Variants in CCDC89 observed in about 807,000 individuals in gnomAD.
CCDC89 encodes coiled-coil domain-containing protein 89.
CCDC89 carries 28 observed loss-of-function variants against 29.3 expected under a neutral mutation model. The observed-to-expected ratio is 0.96, with a 90% confidence interval of 0.71 to 1.31. The LOEUF (loss-of-function observed/expected upper bound fraction) is 1.31. CCDC89 is among the 50% of genes most tolerant of loss of function. The pLI is 0.00. For missense variants in CCDC89, 484 were observed against 442.3 expected (o/e 1.09, Z -0.85); for synonymous variants, 191 against 179.7 (o/e 1.06, Z -0.51).
chr11:85,684,029 A>G lies in CCDC89; in HGVS notation c.*977T>C, dbSNP rs940195924. On this transcript the variant is annotated 3_prime_UTR_variant, in exon 1 of 1. Transcript: ENST00000316398. ...AATTACAGGAAGATAAGAAAATATAACTACCTTTGAGAACTTTTTTAAGAA... is the reference window on the plus strand; with the variant it reads ...AATTACAGGAAGATAAGAAAATATAGCTACCTTTGAGAACTTTTTTAAGAA... Among the ~76,000 whole-genome samples the G allele has an allele frequency of 1.3e-5, 2 of 152,204 alleles. No individual in the cohort carries two copies. Among genetic ancestry groups the G allele is most frequent in the African/African-American group, 4.8e-5 (2 of 41,450 alleles).
chr11:85,685,915 C>T lies in CCDC89; in HGVS notation c.216G>A (p.Glu72=). The T allele has an allele frequency of 2.5e-6, 4 of 1,614,196 alleles. No homozygotes were observed. Among genetic ancestry groups the T allele is most frequent in the Non-Finnish European group, 3.4e-6 (4 of 1,180,026 alleles). The change falls in exon 1 of 1, where the codon GAG becomes GAA. Residue 72 remains glutamate (E), a synonymous_variant. Transcript: ENST00000316398. The part of the protein sequence containing the change: ...EKAMLRSRIE[E]QSQLICILKR... ...TCAGGATGCAGATGAGCTGGGACTG[C>T]TCTTCAATGCGGGAGCGAAGCATAG...
At position 85,685,035 on chromosome 11, in the gene CCDC89, T is replaced by G; in HGVS notation, c.1096A>C (p.Asn366His). 2 of 1,613,426 alleles carry G rather than the reference T, an allele frequency of 1.2e-6. No individual in the cohort carries two copies. Among genetic ancestry groups the G allele is most frequent in the Non-Finnish European group, 1.7e-6 (2 of 1,179,636 alleles). Reference sequence around the variant, plus strand: ...GGAGAGAGATGGCGGAGTTTGCCATTGAGTTCTCTCTCCTTGCTTAAAAGA... The same window carrying G: ...GGAGAGAGATGGCGGAGTTTGCCATGGAGTTCTCTCTCCTTGCTTAAAAGA... ...LDLLSKEREL[N>H]GKLRHLSP Residue 366 changes from asparagine to histidine, a missense_variant, in exon 1 of 1, where the codon AAT becomes CAT. Coordinates refer to ENST00000316398, the MANE Select transcript of CCDC89 (RefSeq NM_152723.3).
rs888296572 is a variant in CCDC89, at chr11:85,684,913, A to G, written c.*93T>C. The G allele has an allele frequency of 7.6e-5, 102 of 1,344,036 alleles. No individual in the cohort carries two copies. The highest frequency in any genetic ancestry group is 9.8e-5 in the Non-Finnish European group (97 of 984,940). The allele number at this position is 1,344,036 out of a possible 1,614,324, so 83.3% of individuals were successfully genotyped here. ...TGAGTTGCCTTTTGTGCTTGAAAGT[A>G]TAATAAATGGGATATCATCTTTACT... On this transcript the variant is annotated 3_prime_UTR_variant, in exon 1 of 1. Coordinates refer to ENST00000316398, the MANE Select transcript of CCDC89 (RefSeq NM_152723.3).
In CCDC89 at chr11:85,685,612, C is replaced by T. The variant is rs763233261; in HGVS notation, c.519G>A (p.Glu173=). 16 of 1,614,166 alleles carry T rather than the reference C, an allele frequency of 9.9e-6. No individual in the cohort carries two copies. The highest frequency in any genetic ancestry group is 1.1e-5 in the Non-Finnish European group (13 of 1,180,038). The change falls in exon 1 of 1, where the codon GAG becomes GAA. Residue 173 remains glutamate, a synonymous_variant. Transcript: ENST00000316398. ...GGACTGTGAGCTGTAATACTTTCGC[C>T]TCCTCATCCTTCAGAGCCTGGCTGA... ...SLFSQALKDE[E]AKVLQLTVRC... is the part of the protein sequence containing the mutation.
At position 85,684,798 on chromosome 11, in the gene CCDC89, G is replaced by A. The variant is rs1458633668; in HGVS notation, c.*208C>T. On this transcript the variant is annotated 3_prime_UTR_variant, in exon 1 of 1. Transcript: ENST00000316398. ...ATTTCTAAGGCACAGAAGGAAATCT[G>A]GCAAATCTTGTGTATTCTAGGTGTA... 1.8e-6 allele frequency: 1 copy of A among 562,778 alleles called. No individual in the cohort carries two copies. Among genetic ancestry groups the A allele is most frequent in the East Asian group, 3.1e-5 (1 of 32,084 alleles). 34.9% of individuals were successfully genotyped at this position (562,778 alleles called of 1,614,324 possible). A position where few individuals can be genotyped will look rare whatever the true frequency, so the allele number is the denominator to read the frequency against.
rs1254365293 is a variant in CCDC89, at chr11:85,684,043, CT to C, written c.*962del. Among the ~76,000 whole-genome samples the C allele has an allele frequency of 6.6e-6, 1 of 151,950 alleles. No individual in the cohort carries two copies. The highest frequency in any genetic ancestry group is 2.4e-5 in the African/African-American group (1 of 41,414). ...AAGAAAATATAACTACCTTTGAGAA[CT>C]TTTTTAAGAACTTTACATATATATA... On this transcript the variant is annotated 3_prime_UTR_variant, in exon 1 of 1. Coordinates refer to ENST00000316398, the MANE Select transcript of CCDC89 (RefSeq NM_152723.3).
Position 85,685,501 on chromosome 11 carries a change from C to G in CCDC89, c.630G>C (p.Glu210Asp). Residue 210 changes from glutamate to aspartate, a missense_variant, in exon 1 of 1, where the codon GAG becomes GAC. By Grantham distance (45) the Glu-to-Asp change is conservative. Coordinates refer to ENST00000316398, the MANE Select transcript of CCDC89 (RefSeq NM_152723.3). The part of the protein sequence containing the change: ...DACQAQAREK[E>D]LLELQSQQAC... ...CCTGCTGGCTCTGTAGCTCCAGCAG[C>G]TCCTTCTCGCGCGCCTGTGCCTGGC... is the stretch of plus-strand genomic sequence containing the variant. 1 of 1,613,854 alleles carries G rather than the reference C, an allele frequency of 6.2e-7. No individual in the cohort carries two copies. Among genetic ancestry groups the G allele is most frequent in the Non-Finnish European group, 8.5e-7 (1 of 1,180,030 alleles).
chr11:85,685,657 C>A lies in CCDC89; in HGVS notation c.474G>T (p.Arg158Ser). The change falls in exon 1 of 1, where the codon AGG becomes AGT. Residue 158 changes from arginine to serine, a missense_variant. Transcript: ENST00000316398. ...GGCTGAAGAGGCTGCTATTCTCCAGCCTCAGCTTCTCATTCTCCTCCCTCA... is the reference window on the plus strand; with the variant it reads ...GGCTGAAGAGGCTGCTATTCTCCAGACTCAGCTTCTCATTCTCCTCCCTCA... ...IKLREENEKL[R>S]LENSSLFSQA... 6 of 1,614,132 alleles carry A rather than the reference C, an allele frequency of 3.7e-6. No homozygotes were observed. The highest frequency in any genetic ancestry group is 5.1e-6 in the Non-Finnish European group (6 of 1,180,048).
Position 85,685,041 on chromosome 11 carries a change from C to A in CCDC89, c.1090G>T (p.Glu364Ter), listed in dbSNP as rs145801127. 7.2e-5 allele frequency: 117 copies of A among 1,613,932 alleles called. No individual in the cohort carries two copies. The African/African-American group carries it at 1.4e-3, about 20-fold the overall frequency. Residue 364 changes from glutamate to a stop codon, truncating the protein, a stop_gained, in exon 1 of 1, where the codon GAA (glutamate) becomes TAA (stop). Transcript: ENST00000316398. LOFTEE classifies it high-confidence loss of function. ...AGATGGCGGAGTTTGCCATTGAGTT[C>A]TCTCTCCTTGCTTAAAAGATCCAAG... ...HSLDLLSKER[E>*]LNGKLRHLSP
chr11:85,686,175 C>CT lies in CCDC89; in HGVS notation c.-46dup. On this transcript the variant is annotated 5_prime_UTR_variant, in exon 1 of 1. Transcript: ENST00000316398. Reference sequence around the variant, plus strand: ...GTCTTTTCCCCTCAGATTTCAAACGCTGCAGGGTGTTGCTAGGGACTCTTG... The same window carrying CT: ...GTCTTTTCCCCTCAGATTTCAAACGCTTGCAGGGTGTTGCTAGGGACTCTTG... The CT allele has an allele frequency of 6.4e-7, 1 of 1,566,274 alleles. No individual in the cohort carries two copies. The highest frequency in any genetic ancestry group is 8.6e-7 in the Non-Finnish European group (1 of 1,159,238).
rs773418737 is a variant in CCDC89, at chr11:85,685,022, C to A, written c.1109G>T (p.Arg370Leu). 6.2e-7 allele frequency: 1 copy of A among 1,611,276 alleles called. No individual in the cohort carries two copies. Among genetic ancestry groups the A allele is most frequent in the South Asian group, 1.1e-5 (1 of 90,664 alleles). ...SKERELNGKL[R>L]HLSP ...GAAACTTCCCTATGGAGAGAGATGGCGGAGTTTGCCATTGAGTTCTCTCTC... is the reference window on the plus strand; with the variant it reads ...GAAACTTCCCTATGGAGAGAGATGGAGGAGTTTGCCATTGAGTTCTCTCTC... The change falls in exon 1 of 1, where the codon CGC becomes CTC. Residue 370 changes from arginine (R) to leucine (L), a missense_variant. Transcript: ENST00000316398.
rs540519153 is a variant in CCDC89 at position 85,685,442 on chromosome 11, C to A, written c.689G>T (p.Arg230Leu). Residue 230 changes from arginine to leucine, a missense_variant, in exon 1 of 1, where the codon CGC becomes CTC. Coordinates refer to ENST00000316398, the MANE Select transcript of CCDC89 (RefSeq NM_152723.3). The stretch of plus-strand genomic sequence containing the variant: ...CTGCTTGAGGGTCTGCAGCTGGCTG[C>A]GCAGCTGTTCTGTCTCCTTGGTGTG... ...CTHTKETEQLRSQLQTLKQQH... is the reference protein window; with the variant it reads ...CTHTKETEQLLSQLQTLKQQH... 1 of 1,613,018 alleles carries A rather than the reference C, an allele frequency of 6.2e-7. No individual in the cohort carries two copies. Among genetic ancestry groups the A allele is most frequent in the Non-Finnish European group, 8.5e-7 (1 of 1,180,022 alleles).
Position 85,686,174 on chromosome 11 carries a change from G to T in CCDC89, c.-44C>A. ...AGTCTTTTCCCCTCAGATTTCAAAC[G>T]CTGCAGGGTGTTGCTAGGGACTCTT... On this transcript the variant is annotated 5_prime_UTR_variant, in exon 1 of 1. Transcript: ENST00000316398. 1.3e-6 allele frequency: 2 copies of T among 1,565,394 alleles called. No homozygotes were observed. The highest frequency in any genetic ancestry group is 1.7e-6 in the Non-Finnish European group (2 of 1,158,544).
Position 85,685,431 on chromosome 11 carries a change from G to T in CCDC89, c.700C>A (p.Gln234Lys). The T allele has an allele frequency of 6.2e-7, 1 of 1,612,766 alleles. No individual in the cohort carries two copies. The highest frequency in any genetic ancestry group is 8.5e-7 in the Non-Finnish European group (1 of 1,180,022). Reference protein sequence around the residue: ...KETEQLRSQLQTLKQQHQQAV... With the variant: ...KETEQLRSQLKTLKQQHQQAV... ...TGCTGGTGCTGCTGCTTGAGGGTCTGCAGCTGGCTGCGCAGCTGTTCTGTC... is the reference window on the plus strand; with the variant it reads ...TGCTGGTGCTGCTGCTTGAGGGTCTTCAGCTGGCTGCGCAGCTGTTCTGTC... The change falls in exon 1 of 1, where the codon CAG becomes AAG. Residue 234 changes from glutamine (Q) to lysine (K), a missense_variant. Gln to Lys is a moderately conservative substitution (Grantham distance 53, BLOSUM62 1). Transcript: ENST00000316398.
Position 85,685,475 on chromosome 11 carries a change from G to T in CCDC89, c.656C>A (p.Ala219Asp), listed in dbSNP as rs748197986. Residue 219 changes from alanine to aspartate, a missense_variant, in exon 1 of 1, where the codon GCC becomes GAC. Transcript: ENST00000316398. Reference sequence around the variant, plus strand: ...TTCTGTCTCCTTGGTGTGGGTGCAGGCCTGCTGGCTCTGTAGCTCCAGCAG... The same window carrying T: ...TTCTGTCTCCTTGGTGTGGGTGCAGTCCTGCTGGCTCTGTAGCTCCAGCAG... ...KELLELQSQQ[A>D]CTHTKETEQL... 8.2e-5 allele frequency: 132 copies of T among 1,613,250 alleles called. No individual in the cohort carries two copies. The highest frequency in any genetic ancestry group is 1.1e-4 in the Non-Finnish European group (128 of 1,180,024).
In CCDC89 at chr11:85,684,124, G is replaced by T. The variant is rs184743326; in HGVS notation, c.*882C>A. On this transcript the variant is annotated 3_prime_UTR_variant, in exon 1 of 1. Coordinates refer to ENST00000316398, the MANE Select transcript of CCDC89 (RefSeq NM_152723.3). ...ATGTAGGTATTACTACAAAAATGCT[G>T]CAAGCATACATACACACGTTCAGCT... 6.6e-6 allele frequency among the ~76,000 whole-genome samples: 1 copy of T among 151,936 alleles called. No individual in the cohort carries two copies. Among genetic ancestry groups the T allele is most frequent in the Non-Finnish European group, 1.5e-5 (1 of 67,970 alleles).
In CCDC89 at chr11:85,686,075, G is replaced by C. The variant is rs1216817824; in HGVS notation, c.56C>G (p.Pro19Arg). 3.7e-6 allele frequency: 6 copies of C among 1,614,056 alleles called. No individual in the cohort carries two copies. The highest frequency in any genetic ancestry group is 1.7e-5 in the Admixed American group (1 of 60,010). ...QQAPRMDTPP[P>R]EERLEKQNEK... The stretch of plus-strand genomic sequence containing the variant: ...ATTTTGCTTCTCTAAGCGTTCTTCA[G>C]GGGGCGGGGTGTCCATCCTGGGAGC... The change falls in exon 1 of 1, where the codon CCT becomes CGT. Residue 19 changes from proline (P) to arginine (R), a missense_variant. Coordinates refer to ENST00000316398, the MANE Select transcript of CCDC89 (RefSeq NM_152723.3).
Position 85,685,871 on chromosome 11 carries a change from G to T in CCDC89, c.260C>A (p.Ala87Asp), listed in dbSNP as rs561850588. The T allele has an allele frequency of 1.9e-6, 3 of 1,614,038 alleles. No individual in the cohort carries two copies. The Admixed American group carries it at 5.0e-5, about 27-fold the overall frequency. Residue 87 changes from alanine (A) to aspartate (D), a missense_variant, in exon 1 of 1, where the codon GCC becomes GAC. Physicochemically the swap from Ala to Asp is moderately radical, Grantham distance 126. Coordinates refer to ENST00000316398, the MANE Select transcript of CCDC89 (RefSeq NM_152723.3). ...CTCTAGGATCTGGCAGCGCTCCAGG[G>T]CCTCATCTGACCTCCGCTTCAGGAT... ...ICILKRRSDEALERCQILELL... is the reference protein window; with the variant it reads ...ICILKRRSDEDLERCQILELL...
Position 85,685,225 on chromosome 11 carries a change from T to G in CCDC89, c.906A>C (p.Ile302=), listed in dbSNP as rs1481903036. The change falls in exon 1 of 1, where the codon ATA becomes ATC. Residue 302 remains isoleucine (I), a synonymous_variant. Transcript: ENST00000316398. Reference sequence around the variant, plus strand: ...GCGCATGCTTCCTGTCTTCATTTGCTATCTCCAACTTTTCCTCAAGCTGGC... The same window carrying G: ...GCGCATGCTTCCTGTCTTCATTTGCGATCTCCAACTTTTCCTCAAGCTGGC... ...EICQLEEKLE[I]ANEDRKHALE... 6.2e-7 allele frequency: 1 copy of G among 1,613,728 alleles called. No individual in the cohort carries two copies. Among genetic ancestry groups the G allele is most frequent in the East Asian group, 2.2e-5 (1 of 44,884 alleles).
Sources: gnomAD v4.1 joint callset for allele counts (sites outside exome capture counted in the v4.1 genomes callset) on GRCh38, gnomAD v4.1.1 for gene constraint, MANE v1.5 for transcripts, NCBI Gene and HGNC (gene_info 2026-07-23, HGNC 2026-07-21) for gene names.